The following COL4A3 variants were observed in gnomAD, a reference collection of about 807,000 sequenced individuals.
COL4A3 encodes the protein collagen alpha-3(IV) chain.
In COL4A3, 135 loss-of-function variants were observed where a neutral mutation model predicts 217.4. The ratio of observed to expected loss-of-function variants is 0.62; its 90% CI spans 0.54 to 0.72. The LOEUF (loss-of-function observed/expected upper bound fraction) is 0.72. Ranked by LOEUF, COL4A3 falls within the 30% of genes least tolerant of loss-of-function variation. The pLI is 0.00. For missense variants in COL4A3, 1,868 were observed against 2,119.9 expected (o/e 0.88, Z 2.33); for synonymous variants, 690 against 736.3 (o/e 0.94, Z 1.02).
chr2:227,166,244 T>A (rs576560319), intron 1 of COL4A3, among the ~76,000 whole-genome samples: 2 of 152,356 alleles, frequency 1.3e-5, no homozygotes, highest in East Asian at 3.9e-4. Flanking sequence ...CTAACAAAAA[T>A]GCACTTTGCA....
chr2:227,178,171 C>A (rs961083764), intron 1 of COL4A3, among the ~76,000 whole-genome samples: 6 of 152,086 alleles, frequency 3.9e-5, no homozygotes, highest in Non-Finnish European at 8.8e-5. Context: ...TTACCCAGGC[C>A]TAGGAGTTCA....
rs1367563699 is a variant in COL4A3, at chr2:227,195,663, A to ATGTGTGTGTG, written c.87+30851_87+30852insGTGTGTGTGT. ...TTTAGAGTCTATGCCACATATATAT[A>ATGTGTGTGTG]TATATGTGTGTGTGTGTGTGTGTGT... On this transcript the variant is annotated intron_variant, in intron 1 of 51. Transcript: ENST00000396578. 2.6e-3 allele frequency among the ~76,000 whole-genome samples: 208 copies of ATGTGTGTGTG among 79,738 alleles called. 1 individual carries two copies. Among genetic ancestry groups the ATGTGTGTGTG allele is most frequent in the East Asian group, 0.016 (39 of 2,450 alleles). 52.3% of individuals were successfully genotyped at this position (79,738 alleles called of 152,430 possible).
At chr2:227,192,516 C>T (rs557919930) in intron 1 of COL4A3, among the ~76,000 whole-genome samples, 1 of 152,288 alleles carries the variant, frequency 6.6e-6, no homozygotes, top group South Asian at 2.1e-4. Flanking sequence ...ATGTGAACCC[C>T]TGTCCCACCC....
intron 1 of COL4A3, among the ~76,000 whole-genome samples, chr2:227,183,260 C>A (rs1020974280): frequency 6.6e-6 from 1 of 152,094 alleles, no homozygotes; most frequent in Non-Finnish European, 1.5e-5. Flanking sequence ...AAACCATGTC[C>A]CATAAGAGAT....
At chr2:227,234,206 G>A (rs2068565993) in intron 1 of COL4A3, among the ~76,000 whole-genome samples, 1 of 152,128 alleles carries the variant, frequency 6.6e-6, no homozygotes, top group Non-Finnish European at 1.5e-5. Flanking sequence ...AGGAGAGACA[G>A]ACAGAGAGAT....
intron 1 of COL4A3, among the ~76,000 whole-genome samples, chr2:227,183,508 C>G (rs2065922072): frequency 6.6e-6 from 1 of 152,162 alleles, no homozygotes; most frequent in Non-Finnish European, 1.5e-5. Context: ...TTGCATTTGA[C>G]TTAAGACTTT....
At chr2:227,244,893 T>G in intron 4 of COL4A3, 58 bp from the exon 5 acceptor site, 2 of 1,490,440 alleles carry the variant, frequency 1.3e-6, no homozygotes, top group Non-Finnish European at 1.9e-6. Flanking sequence ...TGTTTATAGA[T>G]TGAACATTTT....
chr2:227,312,288 T>G lies in COL4A3; in HGVS notation c.*418T>G. ...GTTTGATTGCCCCGCCAACCCTTCC[T>G]GAAACTTCAGACCCTGGGTAGGGGA... On this transcript the variant is annotated 3_prime_UTR_variant, in exon 52 of 52. Transcript: ENST00000396578. 1 of 251,020 alleles carries G rather than the reference T, an allele frequency of 4.0e-6. No homozygotes were observed. The highest frequency in any genetic ancestry group is 4.6e-5 in the South Asian group (1 of 21,596). The allele number at this position is 251,020 out of a possible 1,614,324, so 15.5% of individuals were successfully genotyped here. A position where few individuals can be genotyped will look rare whatever the true frequency, so the allele number is the denominator to read the frequency against.
At chr2:227,307,216 G>A (rs2073544673) in intron 47 of COL4A3, among the ~76,000 whole-genome samples, 1 of 152,064 alleles carries the variant, frequency 6.6e-6, no homozygotes, top group Non-Finnish European at 1.5e-5. Context: ...AAACTTCCTT[G>A]AAGTTTGAAC....
intron 1 of COL4A3, chr2:227,169,376 C>T (rs1294945614): frequency 6.6e-6 from 1 of 150,886 alleles, no homozygotes; most frequent in Non-Finnish European, 1.5e-5. Context: ...TTTATAGCAG[C>T]ATGATTCATA....
chr2:227,273,839 T>C (rs1191110283), intron 26 of COL4A3, among the ~76,000 whole-genome samples: 1 of 152,200 alleles, frequency 6.6e-6, no homozygotes, highest in Non-Finnish European at 1.5e-5. Flanking sequence ...GGGATATACA[T>C]ATACTGGCCG....
rs1179787677 is a variant in COL4A3 at position 227,304,070 on chromosome 2, C to G, written c.4079C>G (p.Pro1360Arg). Residue 1360 changes from proline to arginine, a missense_variant, in exon 46 of 52, where the codon CCA becomes CGA. This residue lies in a region of COL4A3 where 1,503 missense variants were observed against 1,786.1 expected (regional missense o/e 0.84). Coordinates refer to ENST00000396578, the MANE Select transcript of COL4A3 (RefSeq NM_000091.5). ...AAGATTATCTCCCTTCCAGGAAGCC[C>G]AGGGCCACCTGGCACACCTGGAGAA... is the stretch of plus-strand genomic sequence containing the variant. ...TLKIISLPGSPGPPGTPGEPG... is the reference protein window; with the variant it reads ...TLKIISLPGSRGPPGTPGEPG... 2 of 1,614,160 alleles carry G rather than the reference C, an allele frequency of 1.2e-6. No homozygotes were observed. The highest frequency in any genetic ancestry group is 1.7e-6 in the Non-Finnish European group (2 of 1,180,012).
chr2:227,274,726 T>C (rs1329743447), intron 26 of COL4A3, among the ~76,000 whole-genome samples: 1 of 152,082 alleles, frequency 6.6e-6, no homozygotes, highest in East Asian at 1.9e-4. Flanking sequence ...CTTGAACTCC[T>C]GACCTCAGGT....
At chr2:227,244,246 G>C in intron 3 of COL4A3, 74 bp from the exon 4 acceptor site, 3 of 1,240,382 alleles carry the variant, frequency 2.4e-6, no homozygotes, top group Non-Finnish European at 3.6e-6. Context: ...ACTGAGACTG[G>C]GTTTGATGTA....
chr2:227,262,006 G>A (rs2070604279), intron 20 of COL4A3, among the ~76,000 whole-genome samples: 1 of 152,150 alleles, frequency 6.6e-6, no homozygotes, highest in African/African-American at 2.4e-5. Context: ...TACTGGGCAT[G>A]TGCCCTGCCA....
At chr2:227,257,498 C>T (rs1574710926) in intron 17 of COL4A3, 105 bp from the exon 18 acceptor site, 1 of 926,076 alleles carries the variant, frequency 1.1e-6, no homozygotes, top group East Asian at 2.5e-5. Context: ...TTGTACATGA[C>T]ATCTACATAT....
At chr2:227,192,751 G>A (rs1157462489) in intron 1 of COL4A3, among the ~76,000 whole-genome samples, 1 of 152,154 alleles carries the variant, frequency 6.6e-6, no homozygotes, top group Non-Finnish European at 1.5e-5. Context: ...GAGTGAGTGT[G>A]AATCATGAAT....
At chr2:227,168,060 A>G (rs958107086) in intron 1 of COL4A3, among the ~76,000 whole-genome samples, 1 of 152,240 alleles carries the variant, frequency 6.6e-6, no homozygotes, top group African/African-American at 2.4e-5. Flanking sequence ...GATATGATGT[A>G]TTTGTAGTAA....
rs961049889 is a variant in COL4A3 at position 227,250,635 on chromosome 2, C to T, written c.547-505C>T. The stretch of plus-strand genomic sequence containing the variant: ...AAATGCTAAAAGTAAAAATAATGCA[C>T]GAAAGCAGGATAGGAAGTGTCTGGG... On this transcript the variant is annotated intron_variant, in intron 9 of 51. Transcript: ENST00000396578. This position sits in a 1 kb window ranked among gnomAD's most constrained non-coding sequence, Gnocchi z 4.1. Among the ~76,000 whole-genome samples the T allele has an allele frequency of 5.3e-5, 8 of 151,936 alleles. No individual in the cohort carries two copies. The highest frequency in any genetic ancestry group is 1.5e-4 in the African/African-American group (6 of 41,324).
Sources: gnomAD v4.1 joint callset for allele counts (sites outside exome capture counted in the v4.1 genomes callset) on GRCh38, gnomAD v4.1.1 for gene constraint, gnomAD v4.1.1 regional missense constraint, Gnocchi (gnomAD v3.1) non-coding constraint, MANE v1.5 for transcripts, NCBI Gene and HGNC (gene_info 2026-07-23, HGNC 2026-07-21) for gene names.